Variants in ERC1 observed in about 807,000 individuals in gnomAD.
The protein encoded by ERC1 is ELKS/RAB6-interacting/CAST family member 1, also known as RAB6 interacting protein 2.
ERC1 carries 56 observed loss-of-function variants against 132.0 expected under a neutral mutation model. The observed-to-expected ratio is 0.42, with a 90% CI of 0.34 to 0.53. ERC1 has a LOEUF of 0.53. Ranked by LOEUF, ERC1 falls within the 20% of genes least tolerant of loss-of-function variation. The pLI is 0.03. For synonymous variants in ERC1, 478 were observed against 476.1 expected (o/e 1.00, Z -0.05); for missense variants, 1,202 against 1,349.9 (o/e 0.89, Z 1.72).
chr12:1,141,106 C>T (rs1949821655), intron 7 of ERC1, among the ~76,000 whole-genome samples: 1 of 152,084 alleles, frequency 6.6e-6, no homozygotes, highest in Admixed American at 6.5e-5. Flanking sequence ...TAACTAGTTA[C>T]CAAACTTTTT....
chr12:990,359 A>AC (rs1959169812), upstream of ERC1: 2 of 151,936 alleles, frequency 1.3e-5, no homozygotes, highest in African/African-American at 2.4e-5. Context: ...TGGCTCCAAA[A>AC]AAAAAACAAA....
At chr12:999,341 A>G (rs887601230) in intron 1 of ERC1, among the ~76,000 whole-genome samples, 2 of 152,086 alleles carry the variant, frequency 1.3e-5, no homozygotes, top group African/African-American at 4.8e-5. Flanking sequence ...GAATGTTTCC[A>G]TTTGGATGCC....
intron 2 of ERC1, among the ~76,000 whole-genome samples, chr12:1,029,726 G>T (rs1039131798): frequency 2.1e-5 from 3 of 145,478 alleles, no homozygotes; most frequent in South Asian, 2.2e-4. Flanking sequence ...GGCTCTACTA[G>T]TTAAAATGTT....
At chr12:1,180,700 C>T in intron 9 of ERC1, 23 bp downstream of exon 9, 2 of 1,613,432 alleles carry the variant, frequency 1.2e-6, no homozygotes, top group Non-Finnish European at 1.7e-6. Context: ...CCCCAACTCT[C>T]CACACACGTT....
intron 2 of ERC1, among the ~76,000 whole-genome samples, chr12:1,044,335 A>T (rs1485051491): frequency 6.6e-6 from 1 of 152,224 alleles, no homozygotes; most frequent in South Asian, 2.1e-4. Context: ...GTTCACTTTG[A>T]TCATAATGCC....
At chr12:1,075,063 A>G (rs960531621) in intron 2 of ERC1, among the ~76,000 whole-genome samples, 1 of 152,026 alleles carries the variant, frequency 6.6e-6, no homozygotes, top group Non-Finnish European at 1.5e-5. Context: ...TCATTAACTC[A>G]AAGAATACTA....
chr12:1,388,779 A>T (rs2089668539), intron 16 of ERC1, among the ~76,000 whole-genome samples: 1 of 152,214 alleles, frequency 6.6e-6, no homozygotes, highest in African/African-American at 2.4e-5. Context: ...ATATGAAATG[A>T]TGAGGACAAG....
intron 14 of ERC1, among the ~76,000 whole-genome samples, chr12:1,284,140 T>C (rs2078880365): frequency 6.6e-6 from 1 of 152,200 alleles, no homozygotes; most frequent in African/African-American, 2.4e-5. Flanking sequence ...CTCCCACGTG[T>C]GAGTGAGAAC....
intron 18 of ERC1, among the ~76,000 whole-genome samples, chr12:1,488,140 GAAAAAAA>G (rs34258622): frequency 2.1e-4 from 14 of 68,168 alleles, no homozygotes; most frequent in African/African-American, 4.6e-4. Flanking sequence ...TCACGTCTCA[GAAAAAAA>G]AAAAAAAAAA....
At chr12:1,223,500 C>A (rs2074328819) in intron 12 of ERC1, among the ~76,000 whole-genome samples, 1 of 152,192 alleles carries the variant, frequency 6.6e-6, no homozygotes, top group Non-Finnish European at 1.5e-5. Flanking sequence ...TTCTACCAAA[C>A]ACTAAGGTGA....
Position 1,001,163 on chromosome 12 carries a change from A to G in ERC1, c.-157+9841A>G, listed in dbSNP as rs996472724. Among the ~76,000 whole-genome samples, 8 of 152,112 alleles carry G rather than the reference A, an allele frequency of 5.3e-5. No individual in the cohort carries two copies. In the East Asian group the frequency reaches 1.2e-3, roughly 22 times the overall value. On this transcript the variant is annotated intron_variant, in intron 1 of 18. Transcript: ENST00000360905. Reference sequence around the variant, plus strand: ...GTGATCTGCTCACCTCGGCCTCCCAAAGTGCTGGGATTACAGGCGTGAGCC... The same window carrying G: ...GTGATCTGCTCACCTCGGCCTCCCAGAGTGCTGGGATTACAGGCGTGAGCC...
intron 1 of ERC1, among the ~76,000 whole-genome samples, chr12:1,016,398 A>G (rs556959413): frequency 6.6e-5 from 10 of 152,172 alleles, no homozygotes; most frequent in African/African-American, 2.4e-4. Context: ...ATAAAGAGCT[A>G]TTATTATTTT....
intron 1 of ERC1, among the ~76,000 whole-genome samples, chr12:1,013,351 T>C (rs974965692): frequency 3.9e-5 from 6 of 152,142 alleles, no homozygotes; most frequent in Non-Finnish European, 2.9e-5. Flanking sequence ...ATGAGAACTT[T>C]GAGAGAACTT....
intron 2 of ERC1, among the ~76,000 whole-genome samples, chr12:1,031,137 C>T (rs1266281823): frequency 6.6e-6 from 1 of 152,138 alleles, no homozygotes. Context: ...TATGTTAAAG[C>T]TCCAGACACA....
At chr12:1,142,744 A>G (rs548554028) in intron 8 of ERC1, among the ~76,000 whole-genome samples, 23 of 152,332 alleles carry the variant, frequency 1.5e-4, no homozygotes, top group East Asian at 9.6e-4. Flanking sequence ...AGACTTTTAT[A>G]TTTAACATCC....
intron 12 of ERC1, among the ~76,000 whole-genome samples, chr12:1,227,922 A>G (rs117876279): frequency 1.3e-5 from 2 of 152,278 alleles, no homozygotes; most frequent in East Asian, 1.9e-4. Context: ...ACTTTCCCCA[A>G]TGTGTGTTCT....
chr12:1,466,702 G>A (rs927188723), intron 18 of ERC1, among the ~76,000 whole-genome samples: 1 of 152,086 alleles, frequency 6.6e-6, no homozygotes, highest in African/African-American at 2.4e-5. Flanking sequence ...GGCCATTCAG[G>A]GTCTGCTGGT....
intron 8 of ERC1, among the ~76,000 whole-genome samples, chr12:1,158,819 G>A (rs1399306380): frequency 1.3e-5 from 2 of 151,926 alleles, no homozygotes; most frequent in African/African-American, 4.8e-5. Flanking sequence ...TGTATGAAGG[G>A]TTATGGGTGC....
At chr12:1,026,801 C>T (rs1966965689) in intron 1 of ERC1, among the ~76,000 whole-genome samples, 3 of 152,182 alleles carry the variant, frequency 2.0e-5, no homozygotes, top group African/African-American at 7.2e-5. Flanking sequence ...GGGCTGTCTT[C>T]CTTCCTTGTT....
Sources: gnomAD v4.1 joint callset for allele counts (sites outside exome capture counted in the v4.1 genomes callset) on GRCh38, gnomAD v4.1.1 for gene constraint, MANE v1.5 for transcripts, NCBI Gene and HGNC (gene_info 2026-07-23, HGNC 2026-07-21) for gene names.